USH2A: variants seen among roughly 807,000 people sequenced by gnomAD.
USH2A encodes Usher syndrome 2A (autosomal recessive, mild).
Under a neutral mutation model 538.9 loss-of-function variants are expected in USH2A, and 443 were observed. The observed-to-expected ratio is 0.82, with a 90% CI of 0.76 to 0.89. The LOEUF (loss-of-function observed/expected upper bound fraction) is 0.89. Ranked by LOEUF, USH2A falls within the 40% of genes least tolerant of loss-of-function variation. The pLI is 0.00. For missense variants in USH2A, 6,633 were observed against 6,324.8 expected, an observed-to-expected ratio of 1.05 and a Z score of -1.65; for synonymous variants, 2,413 against 2,273.5, an observed-to-expected ratio of 1.06 and a Z score of -1.75.
At chr1:215,721,616 C>G (rs1252340030) in intron 61 of USH2A, among the ~76,000 whole-genome samples, 4 of 152,082 alleles carry the variant, frequency 2.6e-5, no homozygotes, top group Admixed American at 6.5e-5. Flanking sequence ...TAATGTTGAG[C>G]AAAAGGTAGA....
chr1:216,260,501 A>G (rs1166164637), intron 11 of USH2A, among the ~76,000 whole-genome samples: 1 of 152,176 alleles, frequency 6.6e-6, no homozygotes. Context: ...ACTGGCATGT[A>G]GTATACTGAT....
chr1:216,213,032 T>C (rs937106564), intron 15 of USH2A, among the ~76,000 whole-genome samples: 1 of 152,132 alleles, frequency 6.6e-6, no homozygotes, highest in African/African-American at 2.4e-5. Flanking sequence ...TGCGCAATTA[T>C]ACTATAGGTT....
intron 35 of USH2A, among the ~76,000 whole-genome samples, chr1:215,984,559 T>C (rs1667827076): frequency 6.6e-6 from 1 of 152,198 alleles, no homozygotes; most frequent in Non-Finnish European, 1.5e-5. Context: ...CTGGGATATA[T>C]ATCTTTGTGC....
chr1:216,047,506 AG>A (rs1276215350), intron 31 of USH2A, among the ~76,000 whole-genome samples: 1 of 151,998 alleles, frequency 6.6e-6, no homozygotes, highest in Non-Finnish European at 1.5e-5. Context: ...AGTTCAGGTG[AG>A]GGGAGTCTGA....
Position 216,107,745 on chromosome 1 carries a change from G to GAAC in USH2A, c.4628-10533_4628-10532insGTT, listed in dbSNP as rs757962382. On this transcript the variant is annotated intron_variant, in intron 21 of 71. Coordinates refer to ENST00000307340, the MANE Select transcript of USH2A (RefSeq NM_206933.4). Reference sequence around the variant, plus strand: ...GCTGTGCCTTCCCTACCTTGTTATGGATTAGAGGAGTTACCTTAACATTCC... The same window carrying GAAC: ...GCTGTGCCTTCCCTACCTTGTTATGGAACATTAGAGGAGTTACCTTAACATTCC... 1.6e-3 allele frequency among the ~76,000 whole-genome samples: 237 copies of GAAC among 148,982 alleles called. 3 individuals are homozygous for GAAC. The East Asian group carries it at 0.029, about 18-fold the overall frequency.
At chr1:215,642,036 T>C (rs1656702945) in intron 67 of USH2A, among the ~76,000 whole-genome samples, 1 of 152,118 alleles carries the variant, frequency 6.6e-6, no homozygotes, top group African/African-American at 2.4e-5. Context: ...TTTCCCTATA[T>C]CATAACAGCA....
intron 64 of USH2A, among the ~76,000 whole-genome samples, chr1:215,664,637 C>T (rs1197885568): frequency 6.6e-6 from 1 of 152,170 alleles, no homozygotes; most frequent in Non-Finnish European, 1.5e-5. Flanking sequence ...TAGATGAGTG[C>T]TATGAACTGA....
chr1:215,643,295 G>A (rs1656747022), intron 67 of USH2A, among the ~76,000 whole-genome samples: 1 of 152,054 alleles, frequency 6.6e-6, no homozygotes, highest in Non-Finnish European at 1.5e-5. Context: ...ACCACACCAG[G>A]CCCCAAATTA....
chr1:215,680,234 C>T lies in USH2A; in HGVS notation c.12209G>A (p.Arg4070Lys), dbSNP rs774135315. 2 of 1,614,016 alleles carry T rather than the reference C, an allele frequency of 1.2e-6. No homozygotes were observed. Among genetic ancestry groups the T allele is most frequent in the Non-Finnish European group, 1.7e-6 (2 of 1,180,014 alleles). Residue 4070 changes from arginine to lysine, a missense_variant, in exon 62 of 72, where the codon AGA (arginine) becomes AAA (lysine). Transcript: ENST00000307340. ...QTLESSPSGL[R>K]NFIVEQKENG... is the part of the protein sequence containing the mutation. ...CTCTTTCTGTTCTACTATAAAGTTT[C>T]TCAGTCCACTTGGGGAAGATTCTAA... is the stretch of plus-strand genomic sequence containing the variant.
chr1:215,930,603 C>A (rs1238929176), intron 38 of USH2A, among the ~76,000 whole-genome samples: 2 of 152,122 alleles, frequency 1.3e-5, no homozygotes, highest in African/African-American at 4.8e-5. Flanking sequence ...TAACTACATG[C>A]AGAGTCATGG....
rs560145977 is a variant in USH2A at position 215,653,841 on chromosome 1, C to T, written c.14134-3040G>A. Among the ~76,000 whole-genome samples, 14 of 152,018 alleles carry T rather than the reference C, an allele frequency of 9.2e-5. No homozygotes were observed. The South Asian group carries it at 2.9e-3, about 32-fold the overall frequency. Reference sequence around the variant, plus strand: ...TATGATTCCCACTGAGAAACAATGCCCCAAGATTCGATTCTGTCTTTATAG... The same window carrying T: ...TATGATTCCCACTGAGAAACAATGCTCCAAGATTCGATTCTGTCTTTATAG... On this transcript the variant is annotated intron_variant, in intron 64 of 71. Transcript: ENST00000307340.
At chr1:215,994,829 A>G (rs1668095584) in intron 34 of USH2A, among the ~76,000 whole-genome samples, 1 of 152,164 alleles carries the variant, frequency 6.6e-6, no homozygotes, top group African/African-American at 2.4e-5. Context: ...AAGACCCCAG[A>G]CATTTCAAAT....
intron 15 of USH2A, among the ~76,000 whole-genome samples, chr1:216,208,617 T>A (rs1054481429): frequency 2.0e-5 from 3 of 152,154 alleles, no homozygotes; most frequent in Non-Finnish European, 4.4e-5. Flanking sequence ...TTTTGCTATT[T>A]ATGTCAGGGT....
At chr1:216,127,082 A>G (rs528171779) in intron 21 of USH2A, among the ~76,000 whole-genome samples, 3 of 152,354 alleles carry the variant, frequency 2.0e-5, no homozygotes, top group Non-Finnish European at 4.4e-5. Flanking sequence ...AGTTTGCATT[A>G]AAATATATTT....
intron 19 of USH2A, among the ~76,000 whole-genome samples, chr1:216,194,486 C>A (rs1369300133): frequency 6.6e-6 from 1 of 152,010 alleles, no homozygotes; most frequent in Non-Finnish European, 1.5e-5. Flanking sequence ...TAAATGCCAC[C>A]TTGACAGTAT....
intron 21 of USH2A, among the ~76,000 whole-genome samples, chr1:216,124,201 C>A (rs1360184428): frequency 6.6e-6 from 1 of 152,110 alleles, no homozygotes; most frequent in East Asian, 1.9e-4. Context: ...AGAAACATGA[C>A]TTGAACTGGA....
At chr1:216,111,185 C>T (rs1164249074) in intron 21 of USH2A, among the ~76,000 whole-genome samples, 1 of 152,138 alleles carries the variant, frequency 6.6e-6, no homozygotes, top group Non-Finnish European at 1.5e-5. Context: ...GAGCCGAGAT[C>T]GTGCCACTGC....
chr1:215,992,537 T>A (rs1455830011), intron 35 of USH2A, among the ~76,000 whole-genome samples: 1 of 152,188 alleles, frequency 6.6e-6, no homozygotes, highest in Non-Finnish European at 1.5e-5. Context: ...AAAAACAGCA[T>A]GTTGAAATAT....
At chr1:215,627,947 G>T (rs921870576) in intron 71 of USH2A, among the ~76,000 whole-genome samples, 1 of 152,092 alleles carries the variant, frequency 6.6e-6, no homozygotes, top group Non-Finnish European at 1.5e-5. Context: ...TATTGTAGCC[G>T]CTCAGAGACT....
Sources: allele counts gnomAD v4.1 joint callset (sites outside exome capture counted in the v4.1 genomes callset), GRCh38; gene constraint gnomAD v4.1.1; transcripts MANE v1.5; gene names NCBI Gene and HGNC (gene_info 2026-07-23, HGNC 2026-07-21).